The following CCSER1 variants were observed in gnomAD, a reference collection of about 807,000 sequenced individuals.
The protein encoded by CCSER1 is serine-rich coiled-coil domain-containing protein 1.
A neutral mutation model predicts 82.0 loss-of-function variants in CCSER1; 41 were observed. That is an observed-to-expected ratio of 0.50 (90% CI 0.39 to 0.65). The LOEUF (loss-of-function observed/expected upper bound fraction) is 0.65. Among genes scored for constraint, CCSER1 ranks in the 30% least tolerant of loss-of-function variants. The probability of loss-of-function intolerance (pLI) is 0.00; values close to 1 mark genes in which losing one functional copy is unlikely to be tolerated. For missense variants in CCSER1, 1,119 were observed against 1,064.2 expected (o/e 1.05, Z -0.72); for synonymous variants, 414 against 383.9 (o/e 1.08, Z -0.92).
chr4:91,074,599 A>G lies in CCSER1; in HGVS notation c.2173-11351A>G, dbSNP rs531202707. Among the ~76,000 whole-genome samples the G allele has an allele frequency of 2.0e-5, 3 of 152,322 alleles. No homozygotes were observed. The East Asian group carries it at 5.8e-4, about 29-fold the overall frequency. On this transcript the variant is annotated intron_variant, in intron 9 of 10. Transcript: ENST00000509176. Reference sequence around the variant, plus strand: ...GCTGAAACAATTTGTTTAAACAAAGATAATTCTGGATTAGGGACCCCGTGG... The same window carrying G: ...GCTGAAACAATTTGTTTAAACAAAGGTAATTCTGGATTAGGGACCCCGTGG...
chr4:90,852,097 A>G (rs904380410), intron 8 of CCSER1, among the ~76,000 whole-genome samples: 2 of 149,002 alleles, frequency 1.3e-5, no homozygotes, highest in Non-Finnish European at 3.0e-5. Flanking sequence ...TAGCAAGTAC[A>G]TAATAAAGAG....
Position 91,603,512 on chromosome 4 carries a change from T to G in CCSER1, c.*4455T>G, listed in dbSNP as rs1764883174. 1 of 152,080 alleles carries G rather than the reference T, an allele frequency of 6.6e-6. No homozygotes were observed. The highest frequency in any genetic ancestry group is 1.5e-5 in the Non-Finnish European group (1 of 67,992). The allele number at this position is 152,080 out of a possible 1,614,324, so 9.4% of individuals were successfully genotyped here. On this transcript the variant is annotated 3_prime_UTR_variant, in exon 11 of 11. Coordinates refer to ENST00000509176, the MANE Select transcript of CCSER1 (RefSeq NM_001145065.2). ...AATAGTTAAGGTGAAATAAAATCAT[T>G]AATAGAGAGTAGGTTCCTTCCATTT...
intron 8 of CCSER1, among the ~76,000 whole-genome samples, chr4:90,907,757 C>T (rs575670083): frequency 6.6e-6 from 1 of 151,472 alleles, no homozygotes; most frequent in South Asian, 2.1e-4. Flanking sequence ...TTTCTTTTGT[C>T]TTATCATAAA....
intron 9 of CCSER1, among the ~76,000 whole-genome samples, chr4:90,938,213 C>A (rs1192577386): frequency 6.6e-6 from 1 of 151,990 alleles, no homozygotes; most frequent in Non-Finnish European, 1.5e-5. Flanking sequence ...TAGCAAAATT[C>A]TGTTGAAACT....
At chr4:90,303,454 T>G (rs536880714) in intron 1 of CCSER1, among the ~76,000 whole-genome samples, 124 of 152,116 alleles carry the variant, frequency 8.2e-4, no homozygotes, top group African/African-American at 2.9e-3. Flanking sequence ...AAAACACAGA[T>G]ATAGATCAAT....
chr4:90,182,893 T>C (rs1169126484), intron 1 of CCSER1, among the ~76,000 whole-genome samples: 2 of 151,938 alleles, frequency 1.3e-5, no homozygotes, highest in South Asian at 2.1e-4. Flanking sequence ...TTTACTGATA[T>C]TTGCTTTAAT....
At chr4:90,670,674 G>A (rs971965951) in intron 6 of CCSER1, among the ~76,000 whole-genome samples, 2 of 152,056 alleles carry the variant, frequency 1.3e-5, no homozygotes, top group African/African-American at 4.8e-5. Context: ...AAACTGTTCA[G>A]TAGATATTAT....
intron 4 of CCSER1, among the ~76,000 whole-genome samples, chr4:90,458,165 C>A (rs763376499): frequency 6.6e-6 from 1 of 152,114 alleles, no homozygotes; most frequent in Non-Finnish European, 1.5e-5. Flanking sequence ...ATAGCCGCAG[C>A]TGGTTTGCTG....
chr4:91,359,419 G>A (rs1749100266), intron 10 of CCSER1, among the ~76,000 whole-genome samples: 1 of 151,732 alleles, frequency 6.6e-6, no homozygotes, highest in Non-Finnish European at 1.5e-5. Flanking sequence ...CAATATGAGA[G>A]GGTCTCTCTC....
chr4:90,880,294 G>C (rs2150069903), intron 8 of CCSER1, among the ~76,000 whole-genome samples: 1 of 152,254 alleles, frequency 6.6e-6, no homozygotes, highest in Non-Finnish European at 1.5e-5. Flanking sequence ...ATGGCTAAGG[G>C]ACTTTTGCTT....
chr4:90,753,787 A>T (rs1749083864), intron 7 of CCSER1, among the ~76,000 whole-genome samples: 1 of 152,120 alleles, frequency 6.6e-6, no homozygotes, highest in Non-Finnish European at 1.5e-5. Context: ...CTAAGGCCTT[A>T]CATGTTCTAC....
intron 1 of CCSER1, among the ~76,000 whole-genome samples, chr4:90,220,860 A>G (rs578137952): frequency 5.3e-5 from 8 of 152,330 alleles, no homozygotes; most frequent in Admixed American, 2.6e-4. Context: ...ACATATTTTA[A>G]TAACCTCTGG....
At chr4:91,185,450 T>C (rs1051488564) in intron 10 of CCSER1, among the ~76,000 whole-genome samples, 18 of 152,174 alleles carry the variant, frequency 1.2e-4, no homozygotes, top group Non-Finnish European at 1.5e-5. Flanking sequence ...CTCCACAGAC[T>C]CCTGTTAGGG....
At chr4:90,265,194 C>T (rs936418610) in intron 1 of CCSER1, among the ~76,000 whole-genome samples, 2 of 151,942 alleles carry the variant, frequency 1.3e-5, no homozygotes, top group Non-Finnish European at 2.9e-5. Flanking sequence ...TTATACCTAC[C>T]TATATTCCTG....
chr4:91,190,595 T>G (rs973020722), intron 10 of CCSER1, among the ~76,000 whole-genome samples: 1 of 152,178 alleles, frequency 6.6e-6, no homozygotes, highest in Non-Finnish European at 1.5e-5. Context: ...GAATCAAATT[T>G]GGAGGAAGAA....
chr4:91,526,654 G>C (rs1560739044), intron 10 of CCSER1, among the ~76,000 whole-genome samples: 1 of 152,086 alleles, frequency 6.6e-6, no homozygotes, highest in Non-Finnish European at 1.5e-5. Context: ...GCCCAGGCTG[G>C]AGTGCAATGA....
intron 9 of CCSER1, among the ~76,000 whole-genome samples, chr4:90,964,751 A>AG: frequency 6.6e-6 from 1 of 151,198 alleles, no homozygotes; most frequent in Non-Finnish European, 1.5e-5. Flanking sequence ...AAAAAAAAAA[A>AG]AGCAACAAGA....
intron 4 of CCSER1, among the ~76,000 whole-genome samples, chr4:90,412,202 A>T (rs1006649665): frequency 5.9e-5 from 9 of 151,398 alleles, no homozygotes; most frequent in African/African-American, 2.2e-4. Context: ...TTCTCAGGAA[A>T]CTATTGCAAG....
chr4:90,395,740 T>C (rs1326540262), intron 3 of CCSER1, among the ~76,000 whole-genome samples: 1 of 152,008 alleles, frequency 6.6e-6, no homozygotes, highest in Non-Finnish European at 1.5e-5. Context: ...GATTTTCTTT[T>C]TAAATCCCAT....
Sources: gnomAD v4.1 joint callset for allele counts (sites outside exome capture counted in the v4.1 genomes callset) on GRCh38, gnomAD v4.1.1 for gene constraint, MANE v1.5 for transcripts, NCBI Gene and HGNC (gene_info 2026-07-23, HGNC 2026-07-21) for gene names.